The following GRM5 variants were observed in gnomAD, a reference collection of about 807,000 sequenced individuals.
GRM5 encodes glutamate metabotropic receptor 5.
Under a neutral mutation model 83.1 loss-of-function variants are expected in GRM5, and 19 were observed. The observed-to-expected ratio is 0.23, with a 90% CI of 0.16 to 0.34. The LOEUF is 0.34. GRM5 is among the 10% of genes least tolerant of loss of function. The probability of loss-of-function intolerance (pLI) is 1.00; values close to 1 mark genes in which losing one functional copy is unlikely to be tolerated. For missense variants in GRM5, 1,160 were observed against 1,588.3 expected (o/e 0.73, Z 4.58); for synonymous variants, 675 against 633.6 (o/e 1.07, Z -0.98).
At chr11:88,950,087 G>A (rs1446530729) in intron 2 of GRM5, among the ~76,000 whole-genome samples, 1 of 151,256 alleles carries the variant, frequency 6.6e-6, no homozygotes, top group African/African-American at 2.4e-5. Context: ...TGTTAGCCAG[G>A]ATGGTCTCGA....
At chr11:88,966,401 G>GT (rs1445470377) in intron 2 of GRM5, among the ~76,000 whole-genome samples, 2 of 144,690 alleles carry the variant, frequency 1.4e-5, no homozygotes, top group African/African-American at 5.8e-5. Flanking sequence ...CAGAAAAGCA[G>GT]TTTAAAAAAA....
At chr11:88,784,796 C>T (rs746041334) in intron 3 of GRM5, among the ~76,000 whole-genome samples, 2 of 151,938 alleles carry the variant, frequency 1.3e-5, no homozygotes, top group African/African-American at 2.4e-5. Flanking sequence ...TCCATAAACC[C>T]GATTAGCAGA....
intron 8 of GRM5, among the ~76,000 whole-genome samples, chr11:88,545,837 CCTCTT>C (rs370631210): frequency 3.3e-5 from 5 of 152,104 alleles, no homozygotes; most frequent in African/African-American, 7.2e-5. Context: ...TGATGTAACT[CCTCTT>C]CTCAAAGCTT....
At position 88,869,264 on chromosome 11, in the gene GRM5, A is replaced by T. The variant is rs535063471; in HGVS notation, c.662-19109T>A. Reference sequence around the variant, plus strand: ...CACTGAAAGGGTGAATCACTTTTAGAAACATTTCAAGGACTCAGGATTACA... The same window carrying T: ...CACTGAAAGGGTGAATCACTTTTAGTAACATTTCAAGGACTCAGGATTACA... On this transcript the variant is annotated intron_variant, in intron 2 of 9. Transcript: ENST00000305447. Among the ~76,000 whole-genome samples, 4 of 151,816 alleles carry T rather than the reference A, an allele frequency of 2.6e-5. No individual in the cohort carries two copies. The Admixed American group carries it at 2.6e-4, about 10-fold the overall frequency.
intron 4 of GRM5, chr11:88,612,987 C>G (rs1444932479): frequency 6.6e-6 from 1 of 152,114 alleles, no homozygotes; most frequent in Non-Finnish European, 1.5e-5. Flanking sequence ...TGTTTAATTT[C>G]CATGTAACTG....
chr11:88,685,059 A>G (rs934223411), intron 3 of GRM5, among the ~76,000 whole-genome samples: 4 of 152,210 alleles, frequency 2.6e-5, no homozygotes, highest in Admixed American at 2.6e-4. Context: ...AAGTTCGAAC[A>G]GTTTGGAGGG....
intron 3 of GRM5, among the ~76,000 whole-genome samples, chr11:88,697,482 A>G (rs1940930564): frequency 6.6e-6 from 1 of 152,234 alleles, no homozygotes; most frequent in African/African-American, 2.4e-5. Context: ...GGATACCTGT[A>G]GAAGCAATGC....
intron 9 of GRM5, among the ~76,000 whole-genome samples, chr11:88,516,631 T>A (rs150276617): frequency 6.6e-6 from 1 of 152,176 alleles, no homozygotes; most frequent in South Asian, 2.1e-4. Flanking sequence ...ATGTTAGTTA[T>A]GAGGCTTGAA....
At chr11:88,674,874 T>C (rs1444595693) in intron 3 of GRM5, among the ~76,000 whole-genome samples, 4 of 151,978 alleles carry the variant, frequency 2.6e-5, no homozygotes, top group Non-Finnish European at 5.9e-5. Flanking sequence ...AATTTGGCTC[T>C]CTTTGTCTTT....
intron 4 of GRM5, among the ~76,000 whole-genome samples, chr11:88,644,857 G>A (rs1939396144): frequency 6.6e-6 from 1 of 152,072 alleles, no homozygotes; most frequent in Non-Finnish European, 1.5e-5. Flanking sequence ...AGCTTGTAGA[G>A]GAGTGGGAGT....
intron 3 of GRM5, among the ~76,000 whole-genome samples, chr11:88,809,820 C>A (rs1048742775): frequency 6.6e-6 from 1 of 151,296 alleles, no homozygotes; most frequent in African/African-American, 2.4e-5. Context: ...CCAGATTTAG[C>A]AAATAAAAAT....
At chr11:88,880,182 G>A (rs1489460617) in intron 2 of GRM5, among the ~76,000 whole-genome samples, 2 of 152,146 alleles carry the variant, frequency 1.3e-5, no homozygotes, top group African/African-American at 2.4e-5. Flanking sequence ...AACAAAGAAC[G>A]CTATGAGGCA....
At chr11:88,576,756 A>G (rs1943119767) in intron 7 of GRM5, among the ~76,000 whole-genome samples, 3 of 152,202 alleles carry the variant, frequency 2.0e-5, no homozygotes, top group South Asian at 4.1e-4. Flanking sequence ...TAAAATGCTT[A>G]AAGTTGTTTT....
chr11:89,006,731 T>C (rs1375904173), intron 2 of GRM5, among the ~76,000 whole-genome samples: 4 of 152,236 alleles, frequency 2.6e-5, no homozygotes, highest in African/African-American at 9.6e-5. Context: ...CTTTACCTTG[T>C]CCTTGTCCTC....
At chr11:88,873,508 A>G (rs1481953018) in intron 2 of GRM5, among the ~76,000 whole-genome samples, 5 of 151,694 alleles carry the variant, frequency 3.3e-5, no homozygotes, top group East Asian at 1.9e-4. Context: ...ATTATATCAG[A>G]TAACTTTTCT....
chr11:88,742,033 G>C (rs1942040476), intron 3 of GRM5, among the ~76,000 whole-genome samples: 1 of 151,854 alleles, frequency 6.6e-6, no homozygotes, highest in Non-Finnish European at 1.5e-5. Flanking sequence ...ATGTTCAGCT[G>C]CGGTGAAGTG....
chr11:88,557,420 G>C (rs1260011895), intron 8 of GRM5, among the ~76,000 whole-genome samples: 2 of 152,088 alleles, frequency 1.3e-5, no homozygotes, highest in Non-Finnish European at 2.9e-5. Context: ...GGTGTGTGGA[G>C]GCATCAGGCT....
chr11:88,622,313 T>A (rs1938661014), intron 4 of GRM5, among the ~76,000 whole-genome samples: 2 of 152,266 alleles, frequency 1.3e-5, no homozygotes, highest in South Asian at 2.1e-4. Context: ...TAGAATAAAA[T>A]GCTAAATGAC....
chr11:88,883,269 C>G (rs1944991272), intron 2 of GRM5, among the ~76,000 whole-genome samples: 1 of 152,122 alleles, frequency 6.6e-6, no homozygotes. Flanking sequence ...TTTGGAACTT[C>G]CTAAAGACTT....
Sources: allele counts gnomAD v4.1 joint callset (sites outside exome capture counted in the v4.1 genomes callset), GRCh38; gene constraint gnomAD v4.1.1; transcripts MANE v1.5; gene names NCBI Gene and HGNC (gene_info 2026-07-23, HGNC 2026-07-21).